Variants in AP4S1 observed in about 807,000 individuals in gnomAD.
AP4S1 encodes adaptor related protein complex 4 subunit sigma 1.
AP4S1 carries 23 observed loss-of-function variants against 19.8 expected under a neutral mutation model. The ratio of observed to expected loss-of-function variants is 1.16; its 90% confidence interval spans 0.84 to 1.65. The LOEUF (loss-of-function observed/expected upper bound fraction) is 1.65, where lower values mean the gene tolerates loss of function less well. Ranked by LOEUF, AP4S1 falls within the 40% of genes most tolerant of loss-of-function variation. The pLI is 0.00. For missense variants in AP4S1, 166 were observed against 172.8 expected, an observed-to-expected ratio of 0.96 and a Z score of 0.22; for synonymous variants, 46 against 54.1, an observed-to-expected ratio of 0.85 and a Z score of 0.66.
intron 1 of AP4S1, among the ~76,000 whole-genome samples, chr14:31,050,350 G>A (rs12879929): frequency 0.049 from 7,388 of 152,220 alleles, 242 homozygotes; most frequent in Middle Eastern, 0.078. Context: ...GTGAGCCACC[G>A]TGCCCGGCCT....
At chr14:31,071,620 CT>C (rs917046939) in intron 3 of AP4S1, among the ~76,000 whole-genome samples, 20 of 151,974 alleles carry the variant, frequency 1.3e-4, no homozygotes, top group African/African-American at 4.6e-4. Flanking sequence ...AGGGTTTCAC[CT>C]TTTGGCCAGG....
chr14:31,051,031 G>T (rs1382080990), intron 1 of AP4S1, among the ~76,000 whole-genome samples: 1 of 151,998 alleles, frequency 6.6e-6, no homozygotes, highest in African/African-American at 2.4e-5. Flanking sequence ...GGAGCGGGAG[G>T]ATCGCTTGAG....
intron 1 of AP4S1, among the ~76,000 whole-genome samples, chr14:31,032,109 C>T (rs1435538830): frequency 2.6e-5 from 4 of 151,200 alleles, no homozygotes; most frequent in Non-Finnish European, 4.4e-5. Context: ...GAGCTGGGCG[C>T]GGTGGCTCAT....
intron 1 of AP4S1, among the ~76,000 whole-genome samples, chr14:31,039,661 C>T (rs938779268): frequency 5.3e-5 from 8 of 151,426 alleles, no homozygotes; most frequent in African/African-American, 1.9e-4. Context: ...CAAGCTCCGC[C>T]TCCCGGGTTC....
intron 2 of AP4S1, among the ~76,000 whole-genome samples, chr14:31,069,053 T>G (rs1886866080): frequency 6.6e-6 from 1 of 152,130 alleles, no homozygotes; most frequent in Non-Finnish European, 1.5e-5. Context: ...TGCAGCTTCA[T>G]TCCCAGGTGC....
chr14:31,073,152 C>A (rs1304885511), intron 4 of AP4S1, 179 bp downstream of exon 4: 3 of 632,068 alleles, frequency 4.7e-6, no homozygotes, highest in Non-Finnish European at 8.4e-6. Flanking sequence ...GTGTTACAAG[C>A]CTATACATGC....
chr14:31,091,833 A>T (rs1333616321), intron 5 of AP4S1, among the ~76,000 whole-genome samples: 1 of 152,238 alleles, frequency 6.6e-6, no homozygotes, highest in African/African-American at 2.4e-5. Context: ...TTTATTTGAA[A>T]CAATCTGTCA....
At chr14:31,061,327 C>T (rs962301743) in intron 1 of AP4S1, among the ~76,000 whole-genome samples, 4 of 152,136 alleles carry the variant, frequency 2.6e-5, no homozygotes, top group African/African-American at 7.2e-5. Context: ...GGGCAGTCAA[C>T]TCTACCCTTC....
At chr14:31,047,276 C>G (rs753467782) in intron 1 of AP4S1, among the ~76,000 whole-genome samples, 1 of 151,874 alleles carries the variant, frequency 6.6e-6, no homozygotes, top group Non-Finnish European at 1.5e-5. Context: ...ATCATTTTTT[C>G]CAGTCTGTGA....
At chr14:31,043,663 C>G (rs570622845) in intron 1 of AP4S1, among the ~76,000 whole-genome samples, 4 of 152,076 alleles carry the variant, frequency 2.6e-5, no homozygotes, top group Admixed American at 2.0e-4. Context: ...ACTGAATCAT[C>G]GTAGAATTCA....
chr14:31,056,549 G>C (rs1196740189), intron 1 of AP4S1, among the ~76,000 whole-genome samples: 1 of 151,458 alleles, frequency 6.6e-6, no homozygotes, highest in Non-Finnish European at 1.5e-5. Flanking sequence ...AGTAGAGATG[G>C]GGTTTCGCCA....
chr14:31,028,305 T>A (rs1228003095), intron 1 of AP4S1, among the ~76,000 whole-genome samples: 1 of 151,996 alleles, frequency 6.6e-6, no homozygotes, highest in Non-Finnish European at 1.5e-5. Flanking sequence ...AGCCTCCTGA[T>A]AGCTGGGACT....
intron 5 of AP4S1, among the ~76,000 whole-genome samples, chr14:31,092,208 T>C (rs2139129502): frequency 6.6e-6 from 1 of 152,330 alleles, no homozygotes; most frequent in South Asian, 2.1e-4. Flanking sequence ...CCTGCCTTCT[T>C]CATTCATTTT....
chr14:31,058,860 G>C (rs1017719442), intron 1 of AP4S1, among the ~76,000 whole-genome samples: 1 of 151,482 alleles, frequency 6.6e-6, no homozygotes, highest in African/African-American at 2.4e-5. Context: ...ATAGGTGTGA[G>C]CCACCACACC....
chr14:31,058,819 T>G (rs976065843), intron 1 of AP4S1, among the ~76,000 whole-genome samples: 16 of 150,580 alleles, frequency 1.1e-4, no homozygotes, highest in African/African-American at 3.9e-4. Flanking sequence ...CAAGCTATCC[T>G]CCCACCATGG....
intron 5 of AP4S1, among the ~76,000 whole-genome samples, chr14:31,089,431 A>G (rs912999508): frequency 6.6e-6 from 1 of 152,170 alleles, no homozygotes; most frequent in African/African-American, 2.4e-5. Flanking sequence ...ATGAGAAACC[A>G]AGGGATCTGA....
At position 31,096,318 on chromosome 14, in the gene AP4S1, A is replaced by G. The variant is rs1888202368; in HGVS notation, c.*3283A>G. ...AGAATATACAGAACTGTCTTAGGCG[A>G]AAGTATGTACAGTAGTCCCTCTCTT... is the stretch of plus-strand genomic sequence containing the variant. On this transcript the variant is annotated 3_prime_UTR_variant, in exon 6 of 6. Transcript: ENST00000542754. 6.6e-6 allele frequency: 1 copy of G among 152,158 alleles called. No individual in the cohort carries two copies. Among genetic ancestry groups the G allele is most frequent in the Non-Finnish European group, 1.5e-5 (1 of 68,034 alleles). The allele number at this position is 152,158 out of a possible 1,614,324, so 9.4% of individuals were successfully genotyped here.
rs530546880 is a variant in AP4S1, at chr14:31,075,770, G to A, written c.294+2797G>A. Among the ~76,000 whole-genome samples, 31 of 144,014 alleles carry A rather than the reference G, an allele frequency of 2.2e-4. 1 individual carries two copies. The highest frequency in any genetic ancestry group is 7.0e-4 in the African/African-American group (27 of 38,434). The allele number at this position is 144,014 out of a possible 152,430, so 94.5% of individuals were successfully genotyped here. On this transcript the variant is annotated intron_variant, in intron 4 of 5. Transcript: ENST00000542754. ...TTTTTTTTTTTTGAGACGGAGTGTC[G>A]CTGTTGTTGCCCAGGCTGGAGTGCA...
At chr14:31,030,257 C>A (rs1234790180) in intron 1 of AP4S1, among the ~76,000 whole-genome samples, 7 of 152,120 alleles carry the variant, frequency 4.6e-5, no homozygotes, top group East Asian at 1.9e-4. Context: ...CTGCACAGGG[C>A]CTTATCTAAT....
Sources: gnomAD v4.1 joint callset for allele counts (sites outside exome capture counted in the v4.1 genomes callset) on GRCh38, gnomAD v4.1.1 for gene constraint, MANE v1.5 for transcripts, NCBI Gene and HGNC (gene_info 2026-07-23, HGNC 2026-07-21) for gene names.